Variants in TLN2 observed in about 807,000 individuals in gnomAD.
TLN2 encodes talin-2.
TLN2 carries 118 observed loss-of-function variants against 294.7 expected under a neutral mutation model. That is an observed-to-expected ratio of 0.40 (90% CI 0.34 to 0.47). The LOEUF is 0.47. Among genes scored for constraint, TLN2 ranks in the 20% least tolerant of loss-of-function variants. TLN2 has a pLI of 0.84. For synonymous variants in TLN2, 1,431 were observed against 1,304.5 expected (o/e 1.10, Z -2.09); for missense variants, 3,083 against 3,282.2 (o/e 0.94, Z 1.48).
intron 54 of TLN2, chr15:62,832,416 G>C (rs968423299): frequency 6.8e-6 from 1 of 147,108 alleles, no homozygotes; most frequent in Non-Finnish European, 1.5e-5. Flanking sequence ...CTAGAGTCAC[G>C]GAATGTTGTC....
intron 46 of TLN2, 50 bp downstream of exon 46, chr15:62,792,837 A>G (rs2065168780): frequency 6.2e-7 from 1 of 1,605,194 alleles, no homozygotes; most frequent in Non-Finnish European, 8.5e-7. Context: ...GCTGGCTCTC[A>G]GTGATCCGCT....
chr15:62,738,650 G>C (rs1487459561), intron 30 of TLN2, among the ~76,000 whole-genome samples: 4 of 152,170 alleles, frequency 2.6e-5, no homozygotes, highest in Non-Finnish European at 5.9e-5. Flanking sequence ...GGTGTTGGAA[G>C]GGTACGTGTG....
chr15:62,447,095 C>G (rs559854652), intron 1 of TLN2, among the ~76,000 whole-genome samples: 13 of 152,296 alleles, frequency 8.5e-5, no homozygotes, highest in African/African-American at 2.9e-4. Context: ...AAATTAATCT[C>G]CATAATGAAC....
chr15:62,393,744 C>T (rs910128390), intron 1 of TLN2, among the ~76,000 whole-genome samples: 1 of 151,786 alleles, frequency 6.6e-6, no homozygotes, highest in Non-Finnish European at 1.5e-5. Context: ...TATTGCAAAC[C>T]CTCCAATCTT....
At chr15:62,691,150 G>A (rs2057872690) in intron 12 of TLN2, among the ~76,000 whole-genome samples, 1 of 152,068 alleles carries the variant, frequency 6.6e-6, no homozygotes, top group African/African-American at 2.4e-5. Context: ...TCACTAATTT[G>A]GGGAAGTTTT....
intron 11 of TLN2, among the ~76,000 whole-genome samples, chr15:62,677,435 G>A (rs2056339668): frequency 6.6e-6 from 1 of 152,160 alleles, no homozygotes; most frequent in South Asian, 2.1e-4. Context: ...AATTTAGGAT[G>A]ATAAAGAACA....
At chr15:62,622,271 C>T (rs8038187) in intron 3 of TLN2, among the ~76,000 whole-genome samples, 99,190 of 152,022 alleles carry the variant, frequency 0.65, 33,009 homozygotes, top group African/African-American at 0.77. Flanking sequence ...GTAGAACCTT[C>T]TGAGGTACAA....
Position 62,430,461 on chromosome 15 carries a change from GT to G in TLN2, c.-238+39781del, listed in dbSNP as rs1042049123. Among the ~76,000 whole-genome samples the G allele has an allele frequency of 2.1e-4, 32 of 152,306 alleles. 1 individual carries two copies. Among genetic ancestry groups the G allele is most frequent in the Admixed American group, 1.6e-3 (25 of 15,294 alleles). On this transcript the variant is annotated intron_variant, in intron 1 of 58. Transcript: ENST00000636159. ...TTAGCTTCTGTTTTGTTCGCTAGAT[GT>G]TTTTACTCTCAATTACCCTTAATCT...
intron 1 of TLN2, among the ~76,000 whole-genome samples, chr15:62,543,215 T>C (rs1392758800): frequency 6.6e-6 from 1 of 152,152 alleles, no homozygotes; most frequent in Non-Finnish European, 1.5e-5. Flanking sequence ...TCAGGAAGCC[T>C]TTGGTCTTAA....
intron 45 of TLN2, among the ~76,000 whole-genome samples, chr15:62,790,411 C>G (rs886584711): frequency 6.6e-6 from 1 of 152,218 alleles, no homozygotes; most frequent in African/African-American, 2.4e-5. Flanking sequence ...GAGTAGAGCA[C>G]TGTGCTCAGG....
chr15:62,542,961 G>C (rs1471038703), intron 1 of TLN2, among the ~76,000 whole-genome samples: 1 of 152,182 alleles, frequency 6.6e-6, no homozygotes, highest in Non-Finnish European at 1.5e-5. Flanking sequence ...TGTGGCCAGA[G>C]AAATGGACTG....
intron 2 of TLN2, among the ~76,000 whole-genome samples, chr15:62,612,856 G>A (rs571513312): frequency 6.6e-6 from 1 of 152,298 alleles, no homozygotes; most frequent in Admixed American, 6.5e-5. Context: ...AGTGCAAAAA[G>A]ATCTTCCAGG....
chr15:62,742,622 G>A (rs542661418), intron 32 of TLN2, among the ~76,000 whole-genome samples: 7 of 151,908 alleles, frequency 4.6e-5, no homozygotes, highest in African/African-American at 1.7e-4. Flanking sequence ...AGGACATGGG[G>A]AAAAGGGGAA....
chr15:62,530,663 A>G (rs74908692), intron 1 of TLN2, among the ~76,000 whole-genome samples: 2,929 of 152,340 alleles, frequency 0.019, 34 homozygotes, highest in Non-Finnish European at 0.028. Flanking sequence ...CCCTAGAAAT[A>G]CAAATTTAAA....
chr15:62,492,705 G>T (rs996196767), intron 1 of TLN2, among the ~76,000 whole-genome samples: 9 of 151,928 alleles, frequency 5.9e-5, no homozygotes, highest in African/African-American at 2.2e-4. Context: ...GTCCCAAACT[G>T]TGAAATTTAT....
chr15:62,729,408 T>C (rs2060601093), intron 28 of TLN2, among the ~76,000 whole-genome samples: 1 of 152,218 alleles, frequency 6.6e-6, no homozygotes. Context: ...CTTAAGCCAG[T>C]ATTTTTAAAC....
chr15:62,737,570 T>C (rs1322748095), intron 29 of TLN2, among the ~76,000 whole-genome samples: 1 of 152,170 alleles, frequency 6.6e-6, no homozygotes, highest in East Asian at 1.9e-4. Flanking sequence ...GGGAAGGAGA[T>C]GGCTTAGATG....
intron 14 of TLN2, among the ~76,000 whole-genome samples, chr15:62,696,967 G>A (rs1202466269): frequency 6.6e-6 from 1 of 152,136 alleles, no homozygotes; most frequent in Non-Finnish European, 1.5e-5. Flanking sequence ...TATCTCTGAT[G>A]CCTAGAATGG....
chr15:62,564,914 A>T (rs1202810147), intron 1 of TLN2, among the ~76,000 whole-genome samples: 1 of 121,890 alleles, frequency 8.2e-6, no homozygotes, highest in African/African-American at 3.6e-5. Flanking sequence ...TCAAAAAAAA[A>T]AAAAAAAAAA....
Sources: gnomAD v4.1 joint callset for allele counts (sites outside exome capture counted in the v4.1 genomes callset) on GRCh38, gnomAD v4.1.1 for gene constraint, MANE v1.5 for transcripts, NCBI Gene and HGNC (gene_info 2026-07-23, HGNC 2026-07-21) for gene names.